Variants in SLC1A7 observed in about 807,000 individuals in gnomAD.
The protein encoded by SLC1A7 is solute carrier family 1 member 7.
Under a neutral mutation model 47.7 loss-of-function variants are expected in SLC1A7, and 40 were observed. The observed-to-expected ratio is 0.84, with a 90% CI of 0.65 to 1.09. The LOEUF is 1.09. Among genes scored for constraint, SLC1A7 ranks in the 50% least tolerant of loss-of-function variants. The probability of loss-of-function intolerance (pLI) is 0.00; values close to 1 mark genes in which losing one functional copy is unlikely to be tolerated. For missense variants in SLC1A7, 746 were observed against 769.5 expected, an observed-to-expected ratio of 0.97 and a Z score of 0.36; for synonymous variants, 323 against 325.6, an observed-to-expected ratio of 0.99 and a Z score of 0.09.
chr1:53,091,037 G>A, intron 7 of SLC1A7: 5 of 1,318,834 alleles, frequency 3.8e-6, no homozygotes, highest in Non-Finnish European at 5.1e-6. Context: ...GACGCCCAGA[G>A]GGCGGGGCTG....
chr1:53,097,363 C>A (rs61769971), intron 5 of SLC1A7, among the ~76,000 whole-genome samples: 5,650 of 121,906 alleles, frequency 0.046, 5 homozygotes, highest in Middle Eastern at 0.073. Flanking sequence ...TCACACACAC[C>A]CCCTCGGTAC....
intron 5 of SLC1A7, among the ~76,000 whole-genome samples, chr1:53,101,481 A>G (rs1012996543): frequency 1.3e-5 from 2 of 149,792 alleles, no homozygotes; most frequent in African/African-American, 5.0e-5. Flanking sequence ...AAACACCCAC[A>G]CACACCACCT....
Position 53,089,843 on chromosome 1 carries a change from G to T in SLC1A7, c.1318C>A (p.Pro440Thr). The change falls in exon 9 of 11, where the codon CCC (proline) becomes ACC (threonine). Residue 440 changes from proline to threonine, a missense_variant. By Grantham distance (38) the Pro-to-Thr change is conservative. Transcript: ENST00000371494. The part of the protein sequence containing the change: ...MVIVLTSVGL[P>T]TDDITLIIAV... ...ATGATGAGGGTGATGTCATCGGTGG[G>T]CAGTCCCACGGAGGTGAGCACGATG... 5 of 1,613,912 alleles carry T rather than the reference G, an allele frequency of 3.1e-6. No homozygotes were observed. Among genetic ancestry groups the T allele is most frequent in the Non-Finnish European group, 3.4e-6 (4 of 1,179,988 alleles).
chr1:53,096,908 C>T (rs1055771743), intron 5 of SLC1A7, among the ~76,000 whole-genome samples: 5 of 149,996 alleles, frequency 3.3e-5, no homozygotes, highest in Non-Finnish European at 5.9e-5. Flanking sequence ...TACACTCACA[C>T]ACACCCCCTC....
At chr1:53,139,987 T>C (rs1645040869) in intron 1 of SLC1A7, among the ~76,000 whole-genome samples, 1 of 128,962 alleles carries the variant, frequency 7.8e-6, no homozygotes, top group Non-Finnish European at 1.7e-5. Context: ...TAAAAGTTCT[T>C]TTTCACAAAT....
chr1:53,119,489 C>T (rs1557683415), intron 2 of SLC1A7, among the ~76,000 whole-genome samples: 1 of 152,162 alleles, frequency 6.6e-6, no homozygotes, highest in Admixed American at 6.5e-5. Flanking sequence ...GCTGGGACTA[C>T]AGGCACTCGA....
At chr1:53,100,849 C>T (rs1644567742) in intron 5 of SLC1A7, among the ~76,000 whole-genome samples, 2 of 150,708 alleles carry the variant, frequency 1.3e-5, no homozygotes. Context: ...ACTGCCATAC[C>T]CCGCCTCAGT....
At chr1:53,091,505 GC>G (rs1489972603) in intron 7 of SLC1A7, among the ~76,000 whole-genome samples, 1 of 152,170 alleles carries the variant, frequency 6.6e-6, no homozygotes, top group Admixed American at 6.5e-5. Context: ...GGCTGGCTTG[GC>G]CCCTGGCATG....
In SLC1A7 at chr1:53,118,858, G is replaced by A. The variant is rs374267160; in HGVS notation, c.216-3885C>T. 7.9e-5 allele frequency among the ~76,000 whole-genome samples: 12 copies of A among 152,264 alleles called. No homozygotes were observed. The East Asian group carries it at 2.3e-3, about 29-fold the overall frequency. ...ACTAAAAATACAAAATTAGCCAGGT[G>A]TGGTGGCGCATGCCTGTAATCCTAG... On this transcript the variant is annotated intron_variant, in intron 2 of 10. Coordinates refer to ENST00000371494, the MANE Select transcript of SLC1A7 (RefSeq NM_006671.6).
chr1:53,112,790 C>G (rs1463285549), intron 3 of SLC1A7, among the ~76,000 whole-genome samples: 1 of 152,150 alleles, frequency 6.6e-6, no homozygotes, highest in African/African-American at 2.4e-5. Context: ...TCAACCAGAG[C>G]CCTGGTCTAG....
chr1:53,091,050 C>A, intron 7 of SLC1A7: 1 of 1,157,044 alleles, frequency 8.6e-7, no homozygotes. Context: ...CGGGGCTGAC[C>A]CATGTCACAC....
At chr1:53,099,541 C>G (rs1286803185) in intron 5 of SLC1A7, among the ~76,000 whole-genome samples, 2 of 122,680 alleles carry the variant, frequency 1.6e-5, no homozygotes, top group Non-Finnish European at 3.6e-5. Flanking sequence ...CACACCCCAC[C>G]ACAATACCCT....
In SLC1A7 at chr1:53,134,436, A is replaced by T; in HGVS notation, c.136-7T>A. The T allele has an allele frequency of 6.2e-7, 1 of 1,601,402 alleles. No homozygotes were observed. Among genetic ancestry groups the T allele is most frequent in the Non-Finnish European group, 8.6e-7 (1 of 1,169,470 alleles). On this transcript the variant is annotated splice_polypyrimidine_tract_variant and splice_region_variant and intron_variant, in intron 1 of 10. Transcript: ENST00000371494. The stretch of plus-strand genomic sequence containing the variant: ...ACTGGAAGTAACTAATTTCCTGAAA[A>T]CACAGTAAGAACTGGGGTTATAGCA...
In SLC1A7 at chr1:53,136,666, A is replaced by ATTTT. The variant is rs58852734; in HGVS notation, c.136-2241_136-2238dup. On this transcript the variant is annotated intron_variant, in intron 1 of 10. Coordinates refer to ENST00000371494, the MANE Select transcript of SLC1A7 (RefSeq NM_006671.6). The stretch of plus-strand genomic sequence containing the variant: ...ACATATATATATTATATATATATAT[A>ATTTT]TTTTTTTTTTTTTTTTTTGAGACAA... Among the ~76,000 whole-genome samples, 25 of 105,392 alleles carry ATTTT rather than the reference A, an allele frequency of 2.4e-4. 1 individual carries two copies. The highest frequency in any genetic ancestry group is 9.7e-4 in the African/African-American group (25 of 25,732). The allele number at this position is 105,392 out of a possible 152,430, so 69.1% of individuals were successfully genotyped here.
rs1422339411 is a variant in SLC1A7 at position 53,142,389 on chromosome 1, T to C, written c.61A>G (p.Ile21Val). 1.2e-6 allele frequency: 2 copies of C among 1,607,500 alleles called. No individual in the cohort carries two copies. Among genetic ancestry groups the C allele is most frequent in the East Asian group, 2.2e-5 (1 of 44,610 alleles). ...ACGATGACAGACAGCACAGACAGGA[T>C]GAGGAGTCCATTCCGCCTGCACACG... Reference protein sequence around the residue: ...RDVCRRNGLLILSVLSVIVGC... With the variant: ...RDVCRRNGLLVLSVLSVIVGC... Residue 21 changes from isoleucine to valine, a missense_variant, in exon 1 of 11, where the codon ATC (isoleucine) becomes GTC (valine). Transcript: ENST00000371494.
intron 3 of SLC1A7, among the ~76,000 whole-genome samples, chr1:53,114,158 G>A (rs1017133512): frequency 2.0e-5 from 3 of 152,188 alleles, no homozygotes; most frequent in African/African-American, 7.2e-5. Context: ...GGGGTGACCT[G>A]CAGGGGACCC....
At chr1:53,135,394 C>T (rs141159936) in intron 1 of SLC1A7, among the ~76,000 whole-genome samples, 10 of 152,358 alleles carry the variant, frequency 6.6e-5, no homozygotes, top group Non-Finnish European at 1.5e-4. Context: ...GTTTTGGGTC[C>T]ATTCTCTAGT....
At chr1:53,109,255 GC>G (rs1240656709) in intron 3 of SLC1A7, among the ~76,000 whole-genome samples, 1 of 152,062 alleles carries the variant, frequency 6.6e-6, no homozygotes, top group African/African-American at 2.4e-5. Flanking sequence ...CCCAAGCACA[GC>G]TCCTGGAAGC....
chr1:53,101,874 ACT>A (rs1163423607), intron 5 of SLC1A7, among the ~76,000 whole-genome samples: 2 of 147,766 alleles, frequency 1.4e-5, no homozygotes, highest in Non-Finnish European at 3.0e-5. Context: ...GTACACTCAC[ACT>A]CTTTGTCTTG....
Sources: allele counts gnomAD v4.1 joint callset (sites outside exome capture counted in the v4.1 genomes callset), GRCh38; gene constraint gnomAD v4.1.1; transcripts MANE v1.5; gene names NCBI Gene and HGNC (gene_info 2026-07-23, HGNC 2026-07-21).